The following EIF2AK1 variants were observed in gnomAD, a reference collection of about 807,000 sequenced individuals.
EIF2AK1 encodes the protein eukaryotic translation initiation factor 2-alpha kinase 1.
In EIF2AK1, 54 loss-of-function variants were observed where a neutral mutation model predicts 77.9. The ratio of observed to expected loss-of-function variants is 0.69; its 90% confidence interval spans 0.56 to 0.87. EIF2AK1 has a LOEUF of 0.87. Among genes scored for constraint, EIF2AK1 ranks in the 40% least tolerant of loss-of-function variants. The pLI, the probability that EIF2AK1 is intolerant of heterozygous loss-of-function variation, is 0.00. For missense variants in EIF2AK1, 810 were observed against 768.6 expected (o/e 1.05, Z -0.64); for synonymous variants, 314 against 290.5 (o/e 1.08, Z -0.82).
intron 3 of EIF2AK1, among the ~76,000 whole-genome samples, chr7:6,049,500 G>A (rs376413702): frequency 5.3e-5 from 8 of 152,238 alleles, no homozygotes; most frequent in Middle Eastern, 3.4e-3. Flanking sequence ...CCAAGATTGC[G>A]CCACTGCACT....
At chr7:6,037,232 A>C (rs562579543) in intron 11 of EIF2AK1, among the ~76,000 whole-genome samples, 192 bp downstream of exon 11, 2 of 147,712 alleles carry the variant, frequency 1.4e-5, no homozygotes, top group East Asian at 3.9e-4. Context: ...TGCTGTCTCA[A>C]AAAAAAAAAA....
Position 6,058,977 on chromosome 7 carries a change from G to C in EIF2AK1, c.107C>G (p.Pro36Arg). The change falls in exon 1 of 15, where the codon CCC becomes CGC. Residue 36 changes from proline to arginine, a missense_variant. Physicochemically the swap from Pro to Arg is moderately radical, Grantham distance 103. This residue lies in a region of EIF2AK1 where 246 missense variants were observed against 199.0 expected (regional missense o/e 1.24). Coordinates refer to ENST00000199389, the MANE Select transcript of EIF2AK1 (RefSeq NM_014413.4). Reference sequence around the variant, plus strand: ...ATCCGATCCCTCACCGTCATATTCGGGGTCCGGGCCCTCGGCGGGAAAGTC... The same window carrying C: ...ATCCGATCCCTCACCGTCATATTCGCGGTCCGGGCCCTCGGCGGGAAAGTC... The part of the protein sequence containing the change: ...AIDFPAEGPD[P>R]EYDESDVPAE... 1 of 1,538,760 alleles carries C rather than the reference G, an allele frequency of 6.5e-7. No individual in the cohort carries two copies. The highest frequency in any genetic ancestry group is 8.7e-7 in the Non-Finnish European group (1 of 1,145,524).
chr7:6,046,121 C>T lies in EIF2AK1; in HGVS notation c.580G>A (p.Ala194Thr), dbSNP rs757551999. The T allele has an allele frequency of 6.4e-6, 10 of 1,567,914 alleles. No homozygotes were observed. The highest frequency in any genetic ancestry group is 8.6e-6 in the Non-Finnish European group (10 of 1,159,322). The change falls in exon 6 of 15, where the codon GCA becomes ACA. Residue 194 changes from alanine (A) to threonine (T), a missense_variant. Coordinates refer to ENST00000199389, the MANE Select transcript of EIF2AK1 (RefSeq NM_014413.4). ...VRNKLDGQYY[A>T]IKKILIKGAT... ...CCCTTAATCAGGATTTTTTTTATTG[C>T]ATAATACTGACCATCTAATTTATTC...
intron 14 of EIF2AK1, among the ~76,000 whole-genome samples, chr7:6,025,005 G>C (rs1169959129): frequency 6.6e-6 from 1 of 151,666 alleles, no homozygotes; most frequent in African/African-American, 2.4e-5. Context: ...AGCCCAGCTA[G>C]TTTCTGTATT....
rs749747260 is a variant in EIF2AK1 at position 6,056,628 on chromosome 7, A to ATATATATATATATATGTATG, written c.119-1925_119-1924insCATACATATATATATATATA. ...AAAAAAAAAAAATATATATATATAT[A>ATATATATATATATATGTATG]TATATATAAACTCTGTCTGGACATT... On this transcript the variant is annotated intron_variant, in intron 1 of 14. Coordinates refer to ENST00000199389, the MANE Select transcript of EIF2AK1 (RefSeq NM_014413.4). Among the ~76,000 whole-genome samples the ATATATATATATATATGTATG allele has an allele frequency of 1.8e-4, 14 of 75,932 alleles. 1 individual carries two copies. The South Asian group carries it at 2.0e-3, about 11-fold the overall frequency. 49.8% of individuals were successfully genotyped at this position (75,932 alleles called of 152,430 possible). A position where few individuals can be genotyped will look rare whatever the true frequency, so the allele number is the denominator to read the frequency against.
chr7:6,046,172 C>T (rs1007021226), intron 5 of EIF2AK1, 21 bp from the exon 6 acceptor site: 11 of 1,368,282 alleles, frequency 8.0e-6, no homozygotes, highest in Non-Finnish European at 1.0e-5. Context: ...GAAAAAAAGA[C>T]AAAGTATATT....
chr7:6,026,557 C>G (rs1317375547), intron 14 of EIF2AK1, 171 bp downstream of exon 14: 21 of 716,756 alleles, frequency 2.9e-5, no homozygotes, highest in Admixed American at 2.4e-4. Flanking sequence ...GCCAGCACAC[C>G]CTGCAGCTGA....
At chr7:6,030,289 G>A (rs184174813) in intron 11 of EIF2AK1, among the ~76,000 whole-genome samples, 8 of 152,244 alleles carry the variant, frequency 5.3e-5, no homozygotes, top group Admixed American at 1.3e-4. Flanking sequence ...CGGGAAGATC[G>A]TAACCCTGTA....
rs911845903 is a variant in EIF2AK1, at chr7:6,033,093, C to G, written c.1333-4061G>C. Among the ~76,000 whole-genome samples the G allele has an allele frequency of 6.6e-6, 1 of 152,120 alleles. No homozygotes were observed. Among genetic ancestry groups the G allele is most frequent in the African/African-American group, 2.4e-5 (1 of 41,420 alleles). ...AAGAGCTTCTCCCACCTCAGCCTCC[C>G]GAGTAGCTGGGATTACAGGTGTGCG... On this transcript the variant is annotated intron_variant, in intron 11 of 14. Transcript: ENST00000199389. This position sits in a 1 kb window ranked among gnomAD's most constrained non-coding sequence, Gnocchi z 4.4.
At chr7:6,046,919 AG>A (rs2088053365) in intron 5 of EIF2AK1, 72 bp downstream of exon 5, 1 of 1,333,746 alleles carries the variant, frequency 7.5e-7, no homozygotes, top group African/African-American at 1.5e-5. Flanking sequence ...AATAAATAAA[AG>A]AATAATGAAA....
chr7:6,037,130 C>G (rs1788122818), intron 11 of EIF2AK1, among the ~76,000 whole-genome samples: 1 of 151,800 alleles, frequency 6.6e-6, no homozygotes, highest in African/African-American at 2.4e-5. Flanking sequence ...ACTAGGGAGG[C>G]TGAGGTGGGA....
chr7:6,034,315 A>T (rs1338945279), intron 11 of EIF2AK1, among the ~76,000 whole-genome samples: 2 of 151,916 alleles, frequency 1.3e-5, no homozygotes, highest in Non-Finnish European at 2.9e-5. Context: ...TCAAAATAAT[A>T]ATAATAATAG....
chr7:6,056,292 CAA>C (rs71008352), intron 1 of EIF2AK1, among the ~76,000 whole-genome samples: 1,091 of 55,786 alleles, frequency 0.02, 4 homozygotes, highest in Middle Eastern at 0.05. Flanking sequence ...GACTCAGTCT[CAA>C]AAAAAAAAAA....
intron 2 of EIF2AK1, among the ~76,000 whole-genome samples, chr7:6,050,427 T>C (rs1245559772): frequency 6.6e-6 from 1 of 152,056 alleles, no homozygotes; most frequent in African/African-American, 2.4e-5. Context: ...ACTCCTGGCC[T>C]CAAGTGATCT....
intron 14 of EIF2AK1, 64 bp downstream of exon 14, chr7:6,026,664 C>A: frequency 1.5e-6 from 2 of 1,372,184 alleles, no homozygotes; most frequent in Non-Finnish European, 2.1e-6. Flanking sequence ...CAACCGCTTC[C>A]TTCCCCAAGA....
rs1246888047 is a variant in EIF2AK1 at position 6,033,621 on chromosome 7, C to T, written c.1332+3803G>A. The stretch of plus-strand genomic sequence containing the variant: ...GTTTTTGTTTTTTGAGACAGAGTCT[C>T]GCTCTGTCGCCCAGGCTGGAGTGCA... On this transcript the variant is annotated intron_variant, in intron 11 of 14. Coordinates refer to ENST00000199389, the MANE Select transcript of EIF2AK1 (RefSeq NM_014413.4). This position sits in a 1 kb window ranked among gnomAD's most constrained non-coding sequence, Gnocchi z 4.4. Among the ~76,000 whole-genome samples, 4 of 151,822 alleles carry T rather than the reference C, an allele frequency of 2.6e-5. No individual in the cohort carries two copies. The highest frequency in any genetic ancestry group is 7.2e-5 in the African/African-American group (3 of 41,384).
At chr7:6,050,169 C>T in intron 2 of EIF2AK1, 124 bp from the exon 3 acceptor site, 1 of 756,166 alleles carries the variant, frequency 1.3e-6, no homozygotes, top group Non-Finnish European at 2.0e-6. Context: ...AGGAAAAATA[C>T]TATATTTATA....
At position 6,044,595 on chromosome 7, in the gene EIF2AK1, A is replaced by G; in HGVS notation, c.697T>C (p.Trp233Arg). The G allele has an allele frequency of 6.2e-7, 1 of 1,614,082 alleles. No individual in the cohort carries two copies. The highest frequency in any genetic ancestry group is 1.7e-5 in the Admixed American group (1 of 60,012). Residue 233 changes from tryptophan (W) to arginine (R), a missense_variant, in exon 7 of 15, where the codon TGG becomes CGG. Around this residue, in one of 3 missense-constraint regions of EIF2AK1, gnomAD observed 549 missense variants for 533.7 expected, o/e 1.03. Transcript: ENST00000199389. Reference sequence around the variant, plus strand: ...TGAATCACATGAACATGTTCTATCCACGCGGTGTGATAGCCAACAATATTG... The same window carrying G: ...TGAATCACATGAACATGTTCTATCCGCGCGGTGTGATAGCCAACAATATTG... ...HPNIVGYHTAWIEHVHVIQPR... is the reference protein window; with the variant it reads ...HPNIVGYHTARIEHVHVIQPR...
chr7:6,052,963 G>A (rs1381606009), intron 2 of EIF2AK1, among the ~76,000 whole-genome samples: 6 of 148,718 alleles, frequency 4.0e-5, no homozygotes, highest in South Asian at 2.1e-4. Context: ...ACTCCATCTC[G>A]AGAAAAAAAA....
Sources: allele counts gnomAD v4.1 joint callset (sites outside exome capture counted in the v4.1 genomes callset), GRCh38; gene constraint gnomAD v4.1.1; regional missense constraint gnomAD v4.1.1; non-coding constraint Gnocchi (gnomAD v3.1); transcripts MANE v1.5; gene names NCBI Gene and HGNC (gene_info 2026-07-23, HGNC 2026-07-21).